Variants in RAD54B observed in about 807,000 individuals in gnomAD.
The protein encoded by RAD54B is RAD54 homolog B, also known as DNA repair and recombination protein RAD54B.
A neutral mutation model predicts 95.8 loss-of-function variants in RAD54B; 78 were observed. That is an observed-to-expected ratio of 0.81 (90% CI 0.68 to 0.98). The LOEUF (loss-of-function observed/expected upper bound fraction) is 0.98. Ranked by LOEUF, RAD54B falls within the 50% of genes least tolerant of loss-of-function variation. RAD54B has a pLI of 0.00. For synonymous variants in RAD54B, 328 were observed against 354.9 expected (o/e 0.92, Z 0.85); for missense variants, 957 against 1,056.6 (o/e 0.91, Z 1.31).
chr8:94,430,858 T>A, intron 3 of RAD54B: 1 of 985,428 alleles, frequency 1.0e-6, no homozygotes, highest in Non-Finnish European at 1.2e-6. Context: ...TCCTTCCTAG[T>A]CCAGGATACT....
intron 3 of RAD54B, among the ~76,000 whole-genome samples, chr8:94,416,626 T>C (rs958927939): frequency 6.6e-6 from 1 of 151,494 alleles, no homozygotes; most frequent in African/African-American, 2.4e-5. Context: ...AATAAGCACA[T>C]AAAAAGATAT....
intron 9 of RAD54B, 136 bp from the exon 10 acceptor site, chr8:94,392,035 T>C (rs1586130576): frequency 2.4e-6 from 2 of 831,876 alleles, no homozygotes; most frequent in East Asian, 2.7e-5. Flanking sequence ...AATATGAGTA[T>C]AGGGACAGAA....
chr8:94,454,259 G>A (rs1168775884), intron 3 of RAD54B, among the ~76,000 whole-genome samples: 1 of 152,160 alleles, frequency 6.6e-6, no homozygotes, highest in Non-Finnish European at 1.5e-5. Flanking sequence ...GTGGTTGCCA[G>A]GGGCTGGAAA....
At position 94,432,292 on chromosome 8, in the gene RAD54B, A is replaced by C. The variant is rs1307748658; in HGVS notation, c.305-20977T>G. 2.6e-6 allele frequency: 4 copies of C among 1,550,302 alleles called. No homozygotes were observed. In the South Asian group the frequency reaches 4.8e-5, roughly 18 times the overall value. ...AATCCAAAATTTTTTTGATTTTCTA[A>C]AATTATCTGATGCTCCTCTTTCAAC... On this transcript the variant is annotated intron_variant, in intron 3 of 14. Transcript: ENST00000336148.
chr8:94,381,763 T>C (rs781409110), intron 11 of RAD54B, among the ~76,000 whole-genome samples: 14 of 151,986 alleles, frequency 9.2e-5, no homozygotes, highest in Non-Finnish European at 1.6e-4. Flanking sequence ...AATTAGAGAA[T>C]CAATTCATGA....
At chr8:94,470,385 G>C (rs1487259160) in intron 1 of RAD54B, among the ~76,000 whole-genome samples, 2 of 152,232 alleles carry the variant, frequency 1.3e-5, no homozygotes, top group East Asian at 3.9e-4. Context: ...GATCACCTGA[G>C]GTCAGTTCAA....
intron 2 of RAD54B, among the ~76,000 whole-genome samples, chr8:94,459,611 G>A (rs908121850): frequency 7.9e-5 from 12 of 151,678 alleles, no homozygotes; most frequent in Non-Finnish European, 1.5e-4. Context: ...TGTAATCCCA[G>A]CACTTTGGGA....
intron 3 of RAD54B, among the ~76,000 whole-genome samples, chr8:94,450,118 A>G (rs779775272): frequency 3.0e-4 from 46 of 152,264 alleles, no homozygotes; most frequent in Non-Finnish European, 1.3e-4. Context: ...TCAAAACTCA[A>G]TTGTCTGTGG....
intron 3 of RAD54B, among the ~76,000 whole-genome samples, chr8:94,414,361 A>G (rs990980150): frequency 1.3e-5 from 2 of 152,040 alleles, no homozygotes; most frequent in African/African-American, 4.8e-5. Context: ...TTCCAACACT[A>G]TGTTGAATAG....
intron 3 of RAD54B, among the ~76,000 whole-genome samples, chr8:94,413,840 CTTTT>C (rs71273333): frequency 7.6e-6 from 1 of 131,202 alleles, no homozygotes; most frequent in Admixed American, 7.6e-5. Context: ...TTTTTTTTTT[CTTTT>C]TTTTTTTTTG....
chr8:94,456,245 G>C (rs1354418514), intron 3 of RAD54B, among the ~76,000 whole-genome samples: 1 of 152,188 alleles, frequency 6.6e-6, no homozygotes, highest in Non-Finnish European at 1.5e-5. Context: ...GCAGTGTTAT[G>C]AAGAGACTCA....
At position 94,393,810 on chromosome 8, in the gene RAD54B, G is replaced by C; in HGVS notation, c.1451C>G (p.Ser484Cys). ...IDFVNPGILG[S>C]LSSYRKIYEE... ...ATATATTTTCCTATAAGATGACAAA[G>C]AGCCTAATATTCCTGGATTTACAAA... Residue 484 changes from serine to cysteine, a missense_variant, in exon 9 of 15, where the codon TCT becomes TGT. Transcript: ENST00000336148. 1 of 1,585,686 alleles carries C rather than the reference G, an allele frequency of 6.3e-7. No individual in the cohort carries two copies. Among genetic ancestry groups the C allele is most frequent in the Non-Finnish European group, 8.7e-7 (1 of 1,155,992 alleles).
intron 8 of RAD54B, among the ~76,000 whole-genome samples, chr8:94,396,418 GGTTT>G (rs552055247): frequency 3.3e-5 from 5 of 149,414 alleles, no homozygotes; most frequent in African/African-American, 4.9e-5. Flanking sequence ...TTTGTTTTTT[GGTTT>G]GTTTTTTTAA....
intron 3 of RAD54B, among the ~76,000 whole-genome samples, chr8:94,446,052 A>G (rs1176296628): frequency 6.6e-6 from 1 of 152,214 alleles, no homozygotes; most frequent in Non-Finnish European, 1.5e-5. Context: ...AAGTATCATA[A>G]TAAAATGTTC....
intron 3 of RAD54B, among the ~76,000 whole-genome samples, chr8:94,411,760 T>C (rs1391489433): frequency 1.0e-4 from 5 of 49,082 alleles, no homozygotes; most frequent in Admixed American, 3.7e-4. Context: ...GTTTATTTAA[T>C]TGATAAACAA....
In RAD54B at chr8:94,401,585, G is replaced by A. The variant is rs536716715; in HGVS notation, c.945-1122C>T. Among the ~76,000 whole-genome samples, 150 of 152,252 alleles carry A rather than the reference G, an allele frequency of 9.9e-4. 6 individuals are homozygous for A. Among genetic ancestry groups the A allele is most frequent in the Non-Finnish European group, 8.4e-4 (57 of 68,016 alleles). On this transcript the variant is annotated intron_variant, in intron 6 of 14. Coordinates refer to ENST00000336148, the MANE Select transcript of RAD54B (RefSeq NM_012415.3). ...GTTTATTAGTTAAGTTTCTGCAAAAGTTATATGCAGATTTTTGACTACACA... is the reference window on the plus strand; with the variant it reads ...GTTTATTAGTTAAGTTTCTGCAAAAATTATATGCAGATTTTTGACTACACA...
chr8:94,417,843 T>C (rs1167166858), intron 3 of RAD54B, among the ~76,000 whole-genome samples: 1 of 152,210 alleles, frequency 6.6e-6, no homozygotes, highest in Non-Finnish European at 1.5e-5. Context: ...GTCTTGGCTA[T>C]CTTCAACCAG....
chr8:94,439,514 T>G (rs1256686632), intron 3 of RAD54B, among the ~76,000 whole-genome samples: 3 of 152,166 alleles, frequency 2.0e-5, no homozygotes, highest in Non-Finnish European at 4.4e-5. Flanking sequence ...GAGCCAAATA[T>G]GAGTGACCAT....
intron 1 of RAD54B, among the ~76,000 whole-genome samples, chr8:94,468,835 A>C (rs766450664): frequency 6.6e-6 from 1 of 152,054 alleles, no homozygotes; most frequent in African/African-American, 2.4e-5. Flanking sequence ...TCAAAAAAAA[A>C]AAGATAAGAG....
Sources: gnomAD v4.1 joint callset for allele counts (sites outside exome capture counted in the v4.1 genomes callset) on GRCh38, gnomAD v4.1.1 for gene constraint, MANE v1.5 for transcripts, NCBI Gene and HGNC (gene_info 2026-07-23, HGNC 2026-07-21) for gene names.